SLC9A4: variants seen among roughly 807,000 people sequenced by gnomAD.
SLC9A4 encodes sodium/hydrogen exchanger 4.
SLC9A4 carries 63 observed loss-of-function variants against 67.4 expected under a neutral mutation model. The observed-to-expected ratio is 0.93, with a 90% CI of 0.76 to 1.15. The LOEUF is 1.15. Ranked by LOEUF, SLC9A4 falls within the 50% of genes most tolerant of loss-of-function variation. The pLI, the probability that SLC9A4 is intolerant of heterozygous loss-of-function variation, is 0.00. For synonymous variants in SLC9A4, 393 were observed against 367.2 expected (o/e 1.07, Z -0.80); for missense variants, 1,089 against 987.7 (o/e 1.10, Z -1.38).
At chr2:102,489,688 T>C (rs1383121701) in intron 2 of SLC9A4, among the ~76,000 whole-genome samples, 2 of 152,232 alleles carry the variant, frequency 1.3e-5, no homozygotes, top group African/African-American at 2.4e-5. Flanking sequence ...AAAGGATAAA[T>C]GTCCAGAGAT....
intron 2 of SLC9A4, among the ~76,000 whole-genome samples, chr2:102,489,455 A>G (rs1335525553): frequency 6.6e-6 from 1 of 152,234 alleles, no homozygotes; most frequent in Non-Finnish European, 1.5e-5. Context: ...ATTGGCAAGT[A>G]GGTGATAATT....
In SLC9A4 at chr2:102,496,031, T is replaced by C. The variant is rs116406554; in HGVS notation, c.721-7417T>C. On this transcript the variant is annotated intron_variant, in intron 2 of 11. Coordinates refer to ENST00000295269, the MANE Select transcript of SLC9A4 (RefSeq NM_001011552.4). ...CACACAAAAAAGAAAAAGCAATGAA[T>C]TGGATTTTATCAAAAGAAAAAAAAT... 5.3e-3 allele frequency among the ~76,000 whole-genome samples: 812 copies of C among 151,866 alleles called. 4 individuals carry two copies. The highest frequency in any genetic ancestry group is 0.018 in the African/African-American group (728 of 41,452).
intron 2 of SLC9A4, among the ~76,000 whole-genome samples, chr2:102,488,046 C>A (rs1487497270): frequency 6.6e-6 from 1 of 152,152 alleles, no homozygotes; most frequent in African/African-American, 2.4e-5. Flanking sequence ...TATTAGAATC[C>A]TTTCTAGCCA....
At chr2:102,486,773 T>C (rs10175045) in intron 2 of SLC9A4, among the ~76,000 whole-genome samples, 117,655 of 152,152 alleles carry the variant, frequency 0.77, 46,692 homozygotes, top group African/African-American at 0.93. Context: ...AAATGAGACT[T>C]CGGATGCCTG....
At chr2:102,501,499 C>T (rs547910817) in intron 2 of SLC9A4, among the ~76,000 whole-genome samples, 36 of 152,060 alleles carry the variant, frequency 2.4e-4, no homozygotes, top group African/African-American at 8.7e-4. Context: ...CCCACCTCGG[C>T]CTCCCAAAGT....
intron 6 of SLC9A4, 47 bp downstream of exon 6, chr2:102,508,980 C>T: frequency 6.6e-7 from 1 of 1,513,116 alleles, no homozygotes. Context: ...AGACATTTCC[C>T]CTTTGTCACC....
At chr2:102,505,988 T>C (rs975291532) in intron 4 of SLC9A4, among the ~76,000 whole-genome samples, 2 of 152,126 alleles carry the variant, frequency 1.3e-5, no homozygotes, top group African/African-American at 4.8e-5. Flanking sequence ...ATAGAAAACA[T>C]CCCCCTAAAT....
At chr2:102,514,308 T>A in intron 8 of SLC9A4, 57 bp downstream of exon 8, 1 of 1,292,762 alleles carries the variant, frequency 7.7e-7, no homozygotes. Context: ...CAAGGGGCGC[T>A]GACTCATTGC....
At chr2:102,527,472 T>C (rs1035457207) in intron 11 of SLC9A4, among the ~76,000 whole-genome samples, 2 of 152,172 alleles carry the variant, frequency 1.3e-5, no homozygotes, top group African/African-American at 4.8e-5. Context: ...TAATTCCTAA[T>C]TAATAAATAC....
Position 102,519,954 on chromosome 2 carries a change from G to A in SLC9A4, c.1817G>A (p.Arg606Lys), listed in dbSNP as rs1423899178. The A allele has an allele frequency of 1.2e-6, 2 of 1,613,354 alleles. No homozygotes were observed. Among genetic ancestry groups the A allele is most frequent in the Non-Finnish European group, 1.7e-6 (2 of 1,179,404 alleles). Reference sequence around the variant, plus strand: ...TCCAACATGTACCAAGTTCGGCAAAGGGTGTGTATGAGCCACCTGTGTTGT... The same window carrying A: ...TCCAACATGTACCAAGTTCGGCAAAAGGTGTGTATGAGCCACCTGTGTTGT... ...LTSNMYQVRQ[R>K]TLSYNKYNLK... Residue 606 changes from arginine to lysine, a missense_variant and splice_region_variant, in exon 9 of 12, where the codon AGG (arginine) becomes AAG (lysine). Coordinates refer to ENST00000295269, the MANE Select transcript of SLC9A4 (RefSeq NM_001011552.4).
At chr2:102,485,390 T>C (rs901690180) in intron 2 of SLC9A4, among the ~76,000 whole-genome samples, 4 of 152,210 alleles carry the variant, frequency 2.6e-5, no homozygotes, top group Admixed American at 6.5e-5. Context: ...CATTGACCTT[T>C]CATGCAGTTT....
intron 2 of SLC9A4, among the ~76,000 whole-genome samples, chr2:102,497,185 G>A (rs1043240057): frequency 1.3e-5 from 2 of 152,102 alleles, no homozygotes; most frequent in Non-Finnish European, 2.9e-5. Flanking sequence ...CATCTGCCTC[G>A]GCCTCCCAAA....
In SLC9A4 at chr2:102,474,466, T is replaced by A. The variant is rs554795690; in HGVS notation, c.256+451T>A. Among the ~76,000 whole-genome samples, 6 of 152,334 alleles carry A rather than the reference T, an allele frequency of 3.9e-5. No individual in the cohort carries two copies. In the South Asian group the frequency reaches 1.2e-3, roughly 32 times the overall value. On this transcript the variant is annotated intron_variant, in intron 1 of 11. Coordinates refer to ENST00000295269, the MANE Select transcript of SLC9A4 (RefSeq NM_001011552.4). ...CATTGTTTATTCTTTAAAAGTAGCG[T>A]GTGCTTCTTGCAAATTGACAGAAAG...
intron 2 of SLC9A4, among the ~76,000 whole-genome samples, chr2:102,502,550 C>T (rs909181079): frequency 1.1e-4 from 16 of 152,180 alleles, no homozygotes; most frequent in African/African-American, 3.9e-4. Flanking sequence ...GGGAGGGCCC[C>T]CAAGGAAGGA....
intron 3 of SLC9A4, 58 bp from the exon 4 acceptor site, chr2:102,505,196 C>A (rs751892981): frequency 2.8e-5 from 43 of 1,524,034 alleles, no homozygotes; most frequent in Non-Finnish European, 3.6e-5. Flanking sequence ...GTGGGGAGGG[C>A]GTTTTGTGGA....
At chr2:102,491,461 A>G (rs1684698633) in intron 2 of SLC9A4, among the ~76,000 whole-genome samples, 1 of 151,728 alleles carries the variant, frequency 6.6e-6, no homozygotes, top group Non-Finnish European at 1.5e-5. Flanking sequence ...GTGGAAGGCG[A>G]AGGAGGAGCA....
intron 8 of SLC9A4, 63 bp from the exon 9 acceptor site, chr2:102,519,796 T>G: frequency 6.6e-7 from 1 of 1,522,314 alleles, no homozygotes; most frequent in South Asian, 1.1e-5. Flanking sequence ...CCACTGATAG[T>G]TTTGTGGCAC....
chr2:102,524,344 A>G (rs1447117990), intron 9 of SLC9A4, among the ~76,000 whole-genome samples: 1 of 152,206 alleles, frequency 6.6e-6, no homozygotes, highest in African/African-American at 2.4e-5. Flanking sequence ...TCAGTTAAGC[A>G]TTTTGCAAAC....
rs1684849731 is a variant in SLC9A4, at chr2:102,498,139, G to T, written c.721-5309G>T. On this transcript the variant is annotated intron_variant, in intron 2 of 11. Coordinates refer to ENST00000295269, the MANE Select transcript of SLC9A4 (RefSeq NM_001011552.4). ...CATTGGCTGAGCTTTTCCCTTCAGT[G>T]TATAAAAGACACACACACATTATTG... 2.6e-5 allele frequency among the ~76,000 whole-genome samples: 4 copies of T among 152,212 alleles called. No homozygotes were observed. In the South Asian group the frequency reaches 8.3e-4, roughly 31 times the overall value.
Sources: gnomAD v4.1 joint callset for allele counts (sites outside exome capture counted in the v4.1 genomes callset) on GRCh38, gnomAD v4.1.1 for gene constraint, MANE v1.5 for transcripts, NCBI Gene and HGNC (gene_info 2026-07-23, HGNC 2026-07-21) for gene names.